Variants in NLK observed in about 807,000 individuals in gnomAD.
The protein encoded by NLK is nemo like kinase.
Under a neutral mutation model 59.0 loss-of-function variants are expected in NLK, and 11 were observed. That is an observed-to-expected ratio of 0.19 (90% CI 0.12 to 0.31). The LOEUF (loss-of-function observed/expected upper bound fraction) is 0.31, where lower values mean the gene tolerates loss of function less well. NLK is among the 10% of genes least tolerant of loss of function. The pLI is 1.00. For missense variants in NLK, 410 were observed against 661.1 expected (o/e 0.62, Z 4.16); for synonymous variants, 235 against 235.9 (o/e 1.00, Z 0.03).
chr17:28,126,292 T>C (rs1567721352), intron 2 of NLK, among the ~76,000 whole-genome samples: 1 of 152,224 alleles, frequency 6.6e-6, no homozygotes, highest in African/African-American at 2.4e-5. Context: ...TCATGGGTCT[T>C]ACCTTGCACC....
At chr17:28,199,193 A>G (rs1226723660), downstream of NLK, among the ~76,000 whole-genome samples, 1 of 152,230 alleles carries the variant, frequency 6.6e-6, no homozygotes, top group South Asian at 2.1e-4. Context: ...AAATTAACCA[A>G]AAATATTGTA....
At chr17:28,130,144 G>A (rs1471587142) in intron 2 of NLK, among the ~76,000 whole-genome samples, 3 of 152,112 alleles carry the variant, frequency 2.0e-5, no homozygotes, top group South Asian at 2.1e-4. Context: ...TTACAAGCAC[G>A]TATTTATATC....
At chr17:28,087,498 G>T (rs1321823016) in intron 1 of NLK, among the ~76,000 whole-genome samples, 3 of 152,138 alleles carry the variant, frequency 2.0e-5, no homozygotes, top group Non-Finnish European at 2.9e-5. Flanking sequence ...CAGAATAGAA[G>T]ATCATTATCT....
Position 28,122,630 on chromosome 17 carries a change from G to A in NLK, c.486G>A (p.Lys162=). 1 of 1,613,776 alleles carries A rather than the reference G, an allele frequency of 6.2e-7. No homozygotes were observed. The highest frequency in any genetic ancestry group is 8.5e-7 in the Non-Finnish European group (1 of 1,179,752). The change falls in exon 2 of 11, where the codon AAG becomes AAA. Residue 162 remains lysine (K), a synonymous_variant. Coordinates refer to ENST00000407008, the MANE Select transcript of NLK (RefSeq NM_016231.5). ...VWSVTDPRDG[K]RVALKKMPNV... ...CAGTAACAGATCCAAGAGATGGAAA[G>A]AGAGTAGCGCTCAAAAAGATGCCCA...
chr17:28,056,867 A>G (rs1322384032), intron 1 of NLK, among the ~76,000 whole-genome samples: 1 of 152,018 alleles, frequency 6.6e-6, no homozygotes, highest in Non-Finnish European at 1.5e-5. Flanking sequence ...AGGAAATTTG[A>G]AAGAATTGTA....
At chr17:28,111,087 G>A (rs868643398) in intron 1 of NLK, among the ~76,000 whole-genome samples, 41 of 152,056 alleles carry the variant, frequency 2.7e-4, no homozygotes, top group East Asian at 1.9e-4. Flanking sequence ...CTCGTGATCC[G>A]CCCGCTCCTT....
At chr17:28,160,699 A>G (rs1369900343) in intron 3 of NLK, among the ~76,000 whole-genome samples, 1 of 152,244 alleles carries the variant, frequency 6.6e-6, no homozygotes, top group Non-Finnish European at 1.5e-5. Context: ...GTGTTTAGGA[A>G]TACCATATTT....
chr17:28,135,185 T>G (rs1323941329), intron 3 of NLK, among the ~76,000 whole-genome samples: 1 of 152,182 alleles, frequency 6.6e-6, no homozygotes, highest in East Asian at 1.9e-4. Context: ...TTAGAAGAAA[T>G]TTCCTTTATT....
chr17:28,101,024 A>G (rs1904884632), intron 1 of NLK, among the ~76,000 whole-genome samples: 1 of 152,096 alleles, frequency 6.6e-6, no homozygotes, highest in Non-Finnish European at 1.5e-5. Context: ...TTCCATCACC[A>G]TTGGTTTAAA....
intron 7 of NLK, 124 bp downstream of exon 7, chr17:28,172,742 T>C (rs1597722060): frequency 4.7e-6 from 2 of 426,490 alleles, no homozygotes; most frequent in African/African-American, 2.1e-5. Flanking sequence ...TTTTTTAACA[T>C]CAAGGTCCTA....
At chr17:28,163,416 T>C in intron 4 of NLK, 127 bp from the exon 5 acceptor site, 1 of 588,784 alleles carries the variant, frequency 1.7e-6, no homozygotes, top group South Asian at 2.3e-5. Context: ...CTTTTAATAA[T>C]GTTCATTATG....
intron 2 of NLK, among the ~76,000 whole-genome samples, chr17:28,124,776 G>A (rs569204629): frequency 2.0e-4 from 31 of 152,164 alleles, no homozygotes; most frequent in South Asian, 1.7e-3. Context: ...GGGGCCGGGC[G>A]CAGTAGCTCA....
At position 28,186,437 on chromosome 17, in the gene NLK, C is replaced by T. The variant is rs190489588; in HGVS notation, c.1236+1172C>T. On this transcript the variant is annotated intron_variant, in intron 8 of 10. Transcript: ENST00000407008. ...TATGTGTTTATTTTGGTGTTTTTTG[C>T]TGTTGTTTTCTTTTTTGTTTTTTTA... Among the ~76,000 whole-genome samples, 9 of 152,124 alleles carry T rather than the reference C, an allele frequency of 5.9e-5. No homozygotes were observed. In the East Asian group the frequency reaches 1.5e-3, roughly 26 times the overall value.
intron 2 of NLK, among the ~76,000 whole-genome samples, chr17:28,127,319 A>G (rs888452796): frequency 6.6e-6 from 1 of 152,186 alleles, no homozygotes; most frequent in African/African-American, 2.4e-5. Context: ...TTTCCTTTGT[A>G]TAGTCTGACC....
At chr17:28,083,007 T>C (rs1910399526) in intron 1 of NLK, among the ~76,000 whole-genome samples, 1 of 152,198 alleles carries the variant, frequency 6.6e-6, no homozygotes, top group Non-Finnish European at 1.5e-5. Flanking sequence ...CTATTTGGAA[T>C]AATAGTCACA....
downstream of NLK, among the ~76,000 whole-genome samples, chr17:28,198,530 G>A (rs979317419): frequency 6.6e-6 from 1 of 152,074 alleles, no homozygotes; most frequent in Non-Finnish European, 1.5e-5. Context: ...CCACCATGTT[G>A]GCCAGGCTGG....
chr17:28,189,988 G>A (rs1375210621), intron 8 of NLK, among the ~76,000 whole-genome samples: 2 of 151,870 alleles, frequency 1.3e-5, no homozygotes, highest in Non-Finnish European at 2.9e-5. Context: ...AGTGTTTTTA[G>A]GGAATCCGGG....
At chr17:28,175,727 T>C (rs1037300406) in intron 7 of NLK, among the ~76,000 whole-genome samples, 4 of 152,214 alleles carry the variant, frequency 2.6e-5, no homozygotes, top group African/African-American at 7.2e-5. Flanking sequence ...GAATAGTGCC[T>C]GGCACATACT....
chr17:28,121,397 A>G (rs1378747288), intron 1 of NLK, among the ~76,000 whole-genome samples: 1 of 151,846 alleles, frequency 6.6e-6, no homozygotes, highest in African/African-American at 2.4e-5. Context: ...GGGGGAAAAA[A>G]AAAAAAAGCT....
Sources: gnomAD v4.1 joint callset for allele counts (sites outside exome capture counted in the v4.1 genomes callset) on GRCh38, gnomAD v4.1.1 for gene constraint, MANE v1.5 for transcripts, NCBI Gene and HGNC (gene_info 2026-07-23, HGNC 2026-07-21) for gene names.